Variants in OPCML observed in about 807,000 individuals in gnomAD.
OPCML encodes the protein opioid-binding protein/cell adhesion molecule.
Under a neutral mutation model 37.8 loss-of-function variants are expected in OPCML, and 13 were observed. That is an observed-to-expected ratio of 0.34 (90% CI 0.22 to 0.55). The LOEUF (loss-of-function observed/expected upper bound fraction) is 0.55. Among genes scored for constraint, OPCML ranks in the 20% least tolerant of loss-of-function variants. The pLI, the probability that OPCML is intolerant of heterozygous loss-of-function variation, is 0.91. For missense variants in OPCML, 341 were observed against 435.6 expected (o/e 0.78, Z 1.93); for synonymous variants, 176 against 168.8 (o/e 1.04, Z -0.33).
At chr11:132,679,636 A>G (rs935317279) in intron 2 of OPCML, among the ~76,000 whole-genome samples, 1 of 152,254 alleles carries the variant, frequency 6.6e-6, no homozygotes, top group African/African-American at 2.4e-5. Context: ...GTATGGGATT[A>G]ACCTGGAGGA....
chr11:133,204,886 A>ATGTG (rs1230785550), intron 1 of OPCML, among the ~76,000 whole-genome samples: 20 of 42,580 alleles, frequency 4.7e-4, no homozygotes, highest in African/African-American at 7.1e-4. Flanking sequence ...ATATATATAT[A>ATGTG]TATATATATA....
rs781441114 is a variant in OPCML, at chr11:132,436,705, A to T, written c.718T>A (p.Ser240Thr). The T allele has an allele frequency of 9.0e-5, 145 of 1,614,098 alleles. No individual in the cohort carries two copies. Among genetic ancestry groups the T allele is most frequent in the Non-Finnish European group, 1.2e-4 (143 of 1,180,042 alleles). Residue 240 changes from serine (S) to threonine (T), a missense_variant, in exon 6 of 8, where the codon TCT (serine) becomes ACT (threonine). By Grantham distance (58) the Ser-to-Thr change is moderately conservative. Transcript: ENST00000524381. ...GQKGILSCEA[S>T]AVPMAEFQWF... ...TGGAATTCAGCCATGGGGACTGCAG[A>T]GGCTTCACAGCTCAGGATGCCCTTC...
At chr11:132,855,005 AG>A (rs1941994583) in intron 2 of OPCML, among the ~76,000 whole-genome samples, 1 of 152,222 alleles carries the variant, frequency 6.6e-6, no homozygotes, top group Admixed American at 6.5e-5. Flanking sequence ...CTCCTTGCCC[AG>A]GGACCAAAGC....
intron 1 of OPCML, chr11:133,007,029 G>A (rs1346235187): frequency 1.0e-6 from 1 of 985,308 alleles, no homozygotes; most frequent in African/African-American, 1.7e-5. Flanking sequence ...ACAGGAGAGA[G>A]GAAAGGCATG....
At chr11:133,140,757 A>AGACGACGACGAGGAAGAAGAAGAC (rs778976654) in intron 1 of OPCML, among the ~76,000 whole-genome samples, 1 of 62,940 alleles carries the variant, frequency 1.6e-5, no homozygotes, top group Non-Finnish European at 3.8e-5. Flanking sequence ...AGGAAGAAGA[A>AGACGACGACGAGGAAGAAGAAGAC]GACGACGAAG....
At chr11:132,467,795 G>A (rs1364101080) in intron 4 of OPCML, among the ~76,000 whole-genome samples, 2 of 152,186 alleles carry the variant, frequency 1.3e-5, no homozygotes, top group African/African-American at 4.8e-5. Flanking sequence ...AAATCTTAGT[G>A]ATAATGGTCT....
chr11:133,423,412 T>G, intron 1 of OPCML: 1 of 985,366 alleles, frequency 1.0e-6, no homozygotes, highest in Non-Finnish European at 1.2e-6. Flanking sequence ...AGGAGATAAC[T>G]CAGAGAGTTC....
intron 3 of OPCML, among the ~76,000 whole-genome samples, chr11:132,576,949 A>G (rs1433419648): frequency 6.6e-6 from 1 of 152,156 alleles, no homozygotes; most frequent in Non-Finnish European, 1.5e-5. Context: ...CAAGACTGGA[A>G]GGACTGAGAT....
At chr11:133,465,029 C>T (rs1428315335) in intron 1 of OPCML, among the ~76,000 whole-genome samples, 2 of 152,178 alleles carry the variant, frequency 1.3e-5, no homozygotes, top group Non-Finnish European at 2.9e-5. Context: ...CCTGTGGTTG[C>T]TGTGCCAATC....
At chr11:133,314,160 A>T (rs113026576) in intron 1 of OPCML, among the ~76,000 whole-genome samples, 1 of 134,684 alleles carries the variant, frequency 7.4e-6, no homozygotes, top group African/African-American at 2.8e-5. Flanking sequence ...GCGTGAACCC[A>T]GGAGTCGGAG....
chr11:132,626,899 A>T (rs1939782693), intron 3 of OPCML, among the ~76,000 whole-genome samples: 2 of 150,590 alleles, frequency 1.3e-5, no homozygotes, highest in African/African-American at 2.4e-5. Context: ...TATATGTTTT[A>T]TATATATAAA....
chr11:133,264,113 C>G (rs1941576463), intron 1 of OPCML, among the ~76,000 whole-genome samples: 1 of 152,084 alleles, frequency 6.6e-6, no homozygotes, highest in Non-Finnish European at 1.5e-5. Context: ...AAAGAAAAGT[C>G]AACCATTTGA....
chr11:133,117,964 T>C, intron 1 of OPCML: 2 of 981,616 alleles, frequency 2.0e-6, no homozygotes, highest in Non-Finnish European at 2.4e-6. Context: ...CCCCCATCCT[T>C]GGGGAACTGC....
At chr11:133,414,053 G>A (rs1945708591) in intron 1 of OPCML, among the ~76,000 whole-genome samples, 1 of 152,280 alleles carries the variant, frequency 6.6e-6, no homozygotes, top group East Asian at 1.9e-4. Flanking sequence ...TAAGACAGAA[G>A]AAATACAAGC....
chr11:132,616,616 C>T (rs932829683), intron 3 of OPCML, among the ~76,000 whole-genome samples: 2 of 152,154 alleles, frequency 1.3e-5, no homozygotes, highest in African/African-American at 4.8e-5. Context: ...TTTTGTAACA[C>T]TTCTCAAAAT....
chr11:132,884,896 C>A (rs995526634), intron 2 of OPCML, among the ~76,000 whole-genome samples: 6 of 152,180 alleles, frequency 3.9e-5, no homozygotes, highest in African/African-American at 1.4e-4. Context: ...CCATAGGAGA[C>A]CGTTGCCAAA....
chr11:133,463,612 C>T (rs1946908690), intron 1 of OPCML, among the ~76,000 whole-genome samples: 1 of 151,982 alleles, frequency 6.6e-6, no homozygotes. Context: ...CTTATAGATG[C>T]TATCTCTCGA....
At chr11:132,812,836 G>C (rs139502255) in intron 2 of OPCML, among the ~76,000 whole-genome samples, 1 of 152,134 alleles carries the variant, frequency 6.6e-6, no homozygotes, top group Non-Finnish European at 1.5e-5. Flanking sequence ...GCTTTTACTA[G>C]TACTTTTCTG....
intron 1 of OPCML, among the ~76,000 whole-genome samples, chr11:133,198,212 G>A (rs1011411118): frequency 3.5e-4 from 53 of 152,198 alleles, no homozygotes; most frequent in Non-Finnish European, 7.5e-4. Flanking sequence ...ATTCAATTAT[G>A]ATTGCTGGTC....
Sources: gnomAD v4.1 joint callset for allele counts (sites outside exome capture counted in the v4.1 genomes callset) on GRCh38, gnomAD v4.1.1 for gene constraint, MANE v1.5 for transcripts, NCBI Gene and HGNC (gene_info 2026-07-23, HGNC 2026-07-21) for gene names.